Variants in ILRUN observed in about 807,000 individuals in gnomAD.
The protein encoded by ILRUN is protein ILRUN.
A neutral mutation model predicts 33.8 loss-of-function variants in ILRUN; 3 were observed. The ratio of observed to expected loss-of-function variants is 0.09; its 90% CI spans 0.04 to 0.23. The LOEUF is 0.23. Among genes scored for constraint, ILRUN ranks in the 10% least tolerant of loss-of-function variants. ILRUN has a pLI of 1.00. For synonymous variants in ILRUN, 124 were observed against 138.9 expected, an observed-to-expected ratio of 0.89 and a Z score of 0.75; for missense variants, 210 against 375.1, an observed-to-expected ratio of 0.56 and a Z score of 3.64.
chr6:34,595,152 T>C (rs1181313681), intron 4 of ILRUN, among the ~76,000 whole-genome samples: 8 of 152,172 alleles, frequency 5.3e-5, no homozygotes, highest in Non-Finnish European at 1.2e-4. Context: ...AAAATAACTG[T>C]CTCTCTGATT....
At chr6:34,625,595 T>G (rs1762107886) in intron 3 of ILRUN, among the ~76,000 whole-genome samples, 1 of 152,198 alleles carries the variant, frequency 6.6e-6, no homozygotes, top group African/African-American at 2.4e-5. Flanking sequence ...TACTGTAATC[T>G]CCAATCTATC....
intron 1 of ILRUN, among the ~76,000 whole-genome samples, chr6:34,670,191 G>A (rs1006880511): frequency 1.3e-5 from 2 of 152,084 alleles, no homozygotes; most frequent in Admixed American, 1.3e-4. Context: ...GGGATTACAG[G>A]CATAAGCAAC....
At chr6:34,667,980 T>C (rs1167809950) in intron 1 of ILRUN, among the ~76,000 whole-genome samples, 1 of 152,196 alleles carries the variant, frequency 6.6e-6, no homozygotes, top group African/African-American at 2.4e-5. Flanking sequence ...GATAATACTT[T>C]TGTTTCCATG....
intron 1 of ILRUN, among the ~76,000 whole-genome samples, chr6:34,675,956 A>G (rs989751360): frequency 6.6e-6 from 1 of 152,214 alleles, no homozygotes; most frequent in African/African-American, 2.4e-5. Context: ...TCAGTTGGTT[A>G]AGAGTGTAGC....
intron 3 of ILRUN, among the ~76,000 whole-genome samples, chr6:34,642,263 A>G (rs1008783760): frequency 1.6e-4 from 24 of 152,232 alleles, no homozygotes; most frequent in Non-Finnish European, 2.8e-4. Context: ...AATCTTGTGT[A>G]TGCTCTAACT....
At chr6:34,658,286 A>G (rs1355440749) in intron 1 of ILRUN, among the ~76,000 whole-genome samples, 1 of 151,520 alleles carries the variant, frequency 6.6e-6, no homozygotes, top group African/African-American at 2.4e-5. Flanking sequence ...GGAGGTTGCA[A>G]TGAGCCAAAA....
chr6:34,619,182 G>C (rs2127337776), intron 3 of ILRUN, among the ~76,000 whole-genome samples: 1 of 152,294 alleles, frequency 6.6e-6, no homozygotes, highest in South Asian at 2.1e-4. Flanking sequence ...TGCTACAATG[G>C]AGGGCAGAGA....
chr6:34,607,600 G>A (rs1761662035), intron 3 of ILRUN, among the ~76,000 whole-genome samples: 1 of 152,060 alleles, frequency 6.6e-6, no homozygotes, highest in South Asian at 2.1e-4. Context: ...TATGTTCTGA[G>A]AAATGTATCA....
At chr6:34,694,176 G>GA (rs537655411) in intron 1 of ILRUN, among the ~76,000 whole-genome samples, 33 of 152,054 alleles carry the variant, frequency 2.2e-4, no homozygotes, top group African/African-American at 8.0e-4. Context: ...CAACACCTAA[G>GA]AAAAATCTTA....
intron 1 of ILRUN, among the ~76,000 whole-genome samples, chr6:34,683,423 TATATACA>T (rs1562032791): frequency 1.5e-5 from 1 of 67,094 alleles, no homozygotes; most frequent in Admixed American, 1.8e-4. Context: ...TATATACATA[TATATACA>T]TATATATATA....
chr6:34,672,821 T>G (rs1445694024), intron 1 of ILRUN, among the ~76,000 whole-genome samples: 2 of 151,940 alleles, frequency 1.3e-5, no homozygotes, highest in Admixed American at 6.6e-5. Context: ...AATTAAAGGA[T>G]CAATTCAAGA....
chr6:34,610,141 A>G (rs904383111), intron 3 of ILRUN, among the ~76,000 whole-genome samples: 10 of 151,676 alleles, frequency 6.6e-5, no homozygotes, highest in Non-Finnish European at 1.3e-4. Flanking sequence ...AGCCTGGGCG[A>G]CTGAGCAAGA....
chr6:34,669,890 TA>T (rs1369305507), intron 1 of ILRUN, among the ~76,000 whole-genome samples: 1 of 150,126 alleles, frequency 6.7e-6, no homozygotes, highest in Non-Finnish European at 1.5e-5. Context: ...GATTTCCACT[TA>T]AAAAAATGTG....
rs181218375 is a variant in ILRUN, at chr6:34,650,319, T to A, written c.314-3521A>T. On this transcript the variant is annotated intron_variant, in intron 2 of 4. Transcript: ENST00000374023. ...GAAGTCTGAATCCTAGAATTTTGCATCTATGTTATTAGATATCTCAGTTCT... is the reference window on the plus strand; with the variant it reads ...GAAGTCTGAATCCTAGAATTTTGCAACTATGTTATTAGATATCTCAGTTCT... 9.9e-4 allele frequency among the ~76,000 whole-genome samples: 151 copies of A among 152,248 alleles called. 2 individuals carry two copies. In the East Asian group the frequency reaches 0.027, roughly 27 times the overall value.
intron 3 of ILRUN, among the ~76,000 whole-genome samples, chr6:34,608,694 A>G (rs938408956): frequency 8.5e-5 from 13 of 152,362 alleles, no homozygotes; most frequent in African/African-American, 2.6e-4. Flanking sequence ...TCACTGACCA[A>G]AACATCATTA....
chr6:34,619,072 T>A (rs1449637551), intron 3 of ILRUN, among the ~76,000 whole-genome samples: 4 of 152,022 alleles, frequency 2.6e-5, no homozygotes, highest in African/African-American at 9.7e-5. Flanking sequence ...AAGCAGTCAG[T>A]TTCAGCGGAG....
intron 1 of ILRUN, among the ~76,000 whole-genome samples, chr6:34,670,724 C>T (rs1189538665): frequency 6.6e-6 from 1 of 151,160 alleles, no homozygotes; most frequent in Admixed American, 6.6e-5. Context: ...GGTGTGGTGG[C>T]ATGTGCCTGT....
chr6:34,674,059 G>C (rs1322240229), intron 1 of ILRUN, among the ~76,000 whole-genome samples: 1 of 152,036 alleles, frequency 6.6e-6, no homozygotes, highest in Admixed American at 6.5e-5. Flanking sequence ...ACGGAGTCTT[G>C]CTCTGTCACC....
chr6:34,687,523 C>G (rs931797178), intron 1 of ILRUN, among the ~76,000 whole-genome samples: 1 of 151,158 alleles, frequency 6.6e-6, no homozygotes, highest in Non-Finnish European at 1.5e-5. Flanking sequence ...GGTGAAACCC[C>G]GTCTCTACTA....
Sources: allele counts gnomAD v4.1 joint callset (sites outside exome capture counted in the v4.1 genomes callset), GRCh38; gene constraint gnomAD v4.1.1; transcripts MANE v1.5; gene names NCBI Gene and HGNC (gene_info 2026-07-23, HGNC 2026-07-21).